Variants in C7 observed in about 807,000 individuals in gnomAD.
C7 encodes complement component C7.
A neutral mutation model predicts 104.8 loss-of-function variants in C7; 83 were observed. The ratio of observed to expected loss-of-function variants is 0.79; its 90% CI spans 0.66 to 0.95. The LOEUF is 0.95. Among genes scored for constraint, C7 ranks in the 40% least tolerant of loss-of-function variants. The pLI is 0.00. For missense variants in C7, 1,070 were observed against 1,011.2 expected (o/e 1.06, Z -0.79); for synonymous variants, 415 against 360.6 (o/e 1.15, Z -1.71).
chr5:40,913,848 T>C (rs1035147314), intron 1 of C7, among the ~76,000 whole-genome samples: 1 of 151,908 alleles, frequency 6.6e-6, no homozygotes, highest in African/African-American at 2.4e-5. Context: ...CCTGGTTAAT[T>C]TTTTGTATTT....
chr5:40,941,555 C>G (rs1184881928), intron 6 of C7, among the ~76,000 whole-genome samples: 1 of 152,040 alleles, frequency 6.6e-6, no homozygotes, highest in Non-Finnish European at 1.5e-5. Context: ...CTCTTATGAA[C>G]AGTGGAGAAT....
At chr5:40,926,018 A>G (rs142704719) in intron 1 of C7, among the ~76,000 whole-genome samples, 98 of 152,330 alleles carry the variant, frequency 6.4e-4, no homozygotes, top group African/African-American at 2.3e-3. Flanking sequence ...AAAAATCTCA[A>G]CAAAATAGTT....
chr5:40,952,246 A>G (rs10473229), intron 9 of C7, among the ~76,000 whole-genome samples: 25,078 of 152,242 alleles, frequency 0.16, 2,104 homozygotes, highest in East Asian at 0.24. Flanking sequence ...TCATATTCTC[A>G]TTTTACAGAC....
At chr5:40,948,345 G>C (rs949506742) in intron 8 of C7, among the ~76,000 whole-genome samples, 1 of 152,088 alleles carries the variant, frequency 6.6e-6, no homozygotes, top group Non-Finnish European at 1.5e-5. Context: ...CATGACAAGT[G>C]AGTTACATGT....
intron 4 of C7, among the ~76,000 whole-genome samples, chr5:40,935,322 G>T (rs1681837530): frequency 6.6e-6 from 1 of 152,126 alleles, no homozygotes; most frequent in Non-Finnish European, 1.5e-5. Flanking sequence ...TTGAAGACAT[G>T]AATTATATTT....
chr5:40,909,964 C>T (rs1739172924), intron 1 of C7, among the ~76,000 whole-genome samples: 1 of 148,856 alleles, frequency 6.7e-6, no homozygotes, highest in African/African-American at 2.5e-5. Flanking sequence ...GAAAAACTTT[C>T]CTCTGGTGTA....
intron 4 of C7, 106 bp from the exon 5 acceptor site, chr5:40,936,232 C>A: frequency 4.8e-6 from 4 of 838,484 alleles, no homozygotes; most frequent in Non-Finnish European, 7.7e-6. Context: ...TTTACATTGG[C>A]GTATCAGTGC....
chr5:40,947,927 G>C, intron 8 of C7, 82 bp downstream of exon 8: 1 of 1,378,618 alleles, frequency 7.3e-7, no homozygotes, highest in Non-Finnish European at 1.0e-6. Context: ...GTAAGCTTTT[G>C]AGCTTTAAAA....
chr5:40,955,497 C>T lies in C7; in HGVS notation c.1204C>T (p.Arg402Ter), dbSNP rs200365542. The T allele has an allele frequency of 9.9e-6, 16 of 1,613,336 alleles. No homozygotes were observed. The highest frequency in any genetic ancestry group is 1.7e-5 in the Admixed American group (1 of 59,948). ...GGACAATCCTGCTGGAAACAAAAGG[C>T]GATATTCTGCCTGGGCAGAATCTGT... ...ELDNPAGNKR[R>*]YSAWAESVTN... is the part of the protein sequence containing the mutation. The change falls in exon 10 of 18, where the codon CGA (arginine) becomes TGA (stop). Residue 402 changes from arginine to a stop codon, truncating the protein, a stop_gained. Transcript: ENST00000313164. LOFTEE classifies it high-confidence loss of function.
At chr5:40,930,052 C>G (rs1462313502) in intron 2 of C7, among the ~76,000 whole-genome samples, 1 of 152,086 alleles carries the variant, frequency 6.6e-6, no homozygotes, top group Non-Finnish European at 1.5e-5. Flanking sequence ...ACCCTCTTAA[C>G]TCAAACTCTC....
chr5:40,945,874 ACATATATATAT>A (rs1199210293), intron 7 of C7, among the ~76,000 whole-genome samples: 13 of 58,776 alleles, frequency 2.2e-4, no homozygotes, highest in African/African-American at 8.6e-4. Flanking sequence ...AAAAAAAAAT[ACATATATATAT>A]ATATATATAT....
At chr5:40,949,023 C>A (rs187066599) in intron 8 of C7, among the ~76,000 whole-genome samples, 1 of 151,744 alleles carries the variant, frequency 6.6e-6, no homozygotes, top group African/African-American at 2.4e-5. Context: ...TTTGTAGCAA[C>A]GACAAGGACA....
intron 1 of C7, among the ~76,000 whole-genome samples, chr5:40,914,937 A>G (rs11741864): frequency 0.077 from 11,698 of 152,240 alleles, 584 homozygotes; most frequent in Non-Finnish European, 0.11. Context: ...TGGCCCGCAT[A>G]TGGATGGTTA....
chr5:40,934,175 A>G (rs1370153736), intron 3 of C7, 150 bp from the exon 4 acceptor site: 5 of 724,300 alleles, frequency 6.9e-6, no homozygotes, highest in Non-Finnish European at 1.0e-5. Context: ...TTGAGGTTTT[A>G]TTTCTGTAGA....
Position 40,971,428 on chromosome 5 carries a change from G to C in C7, c.1883-975G>C, listed in dbSNP as rs193230673. ...CATATCCTTTGCCCACTTTTTGATGGGGTTGCTTGTTTTTCTGTTGTAAAT... is the reference window on the plus strand; with the variant it reads ...CATATCCTTTGCCCACTTTTTGATGCGGTTGCTTGTTTTTCTGTTGTAAAT... On this transcript the variant is annotated intron_variant, in intron 14 of 17. Transcript: ENST00000313164. Among the ~76,000 whole-genome samples the C allele has an allele frequency of 2.0e-3, 297 of 152,130 alleles. 3 individuals carry two copies. Among genetic ancestry groups the C allele is most frequent in the Non-Finnish European group, 3.2e-3 (220 of 68,000 alleles).
intron 6 of C7, among the ~76,000 whole-genome samples, chr5:40,940,229 T>G (rs1260367041): frequency 6.6e-6 from 1 of 152,120 alleles, no homozygotes; most frequent in Non-Finnish European, 1.5e-5. Context: ...CCTGTTTCGG[T>G]TTTTAGCATC....
intron 1 of C7, among the ~76,000 whole-genome samples, chr5:40,925,082 C>T (rs1739524091): frequency 6.6e-6 from 1 of 152,212 alleles, no homozygotes; most frequent in South Asian, 2.1e-4. Flanking sequence ...TTTTCTTTCT[C>T]TGCTGCGTGG....
At position 40,945,953 on chromosome 5, in the gene C7, T is replaced by C. The variant is rs535192127; in HGVS notation, c.738+585T>C. ...TTAAACTTCTCATTAAAAATATTTG[T>C]TTTTATTTGAAGATGTTTACAAAGC... On this transcript the variant is annotated intron_variant, in intron 7 of 17. Transcript: ENST00000313164. Among the ~76,000 whole-genome samples, 37 of 149,376 alleles carry C rather than the reference T, an allele frequency of 2.5e-4. 1 individual carries two copies. The South Asian group carries it at 6.5e-3, about 26-fold the overall frequency.
intron 15 of C7, among the ~76,000 whole-genome samples, chr5:40,974,386 C>G (rs1388457126): frequency 7.2e-6 from 1 of 139,324 alleles, no homozygotes; most frequent in Non-Finnish European, 1.6e-5. Context: ...GTAATTCTAT[C>G]GTTTTTTTTT....
Sources: gnomAD v4.1 joint callset for allele counts (sites outside exome capture counted in the v4.1 genomes callset) on GRCh38, gnomAD v4.1.1 for gene constraint, MANE v1.5 for transcripts, NCBI Gene and HGNC (gene_info 2026-07-23, HGNC 2026-07-21) for gene names.